Variants in FBLN5 observed in about 807,000 individuals in gnomAD.
The protein encoded by FBLN5 is fibulin-5.
A neutral mutation model predicts 61.6 loss-of-function variants in FBLN5; 24 were observed. The observed-to-expected ratio is 0.39, with a 90% CI of 0.28 to 0.55. The LOEUF (loss-of-function observed/expected upper bound fraction) is 0.55. Among genes scored for constraint, FBLN5 ranks in the 20% least tolerant of loss-of-function variants. The pLI is 0.65. For missense variants in FBLN5, 470 were observed against 594.1 expected, an observed-to-expected ratio of 0.79 and a Z score of 2.17; for synonymous variants, 213 against 219.8, an observed-to-expected ratio of 0.97 and a Z score of 0.27.
At chr14:91,944,289 T>A (rs1178902135) in intron 1 of FBLN5, among the ~76,000 whole-genome samples, 1 of 152,196 alleles carries the variant, frequency 6.6e-6, no homozygotes, top group Non-Finnish European at 1.5e-5. Flanking sequence ...CTCATGAGGC[T>A]ATTAAAAAAT....
At chr14:91,924,994 T>C (rs2055803726) in intron 4 of FBLN5, among the ~76,000 whole-genome samples, 1 of 152,196 alleles carries the variant, frequency 6.6e-6, no homozygotes, top group Non-Finnish European at 1.5e-5. Context: ...CTCCCTCAAA[T>C]TCTTAAACCC....
At chr14:91,897,087 C>A (rs1890258807) in intron 4 of FBLN5, among the ~76,000 whole-genome samples, 1 of 152,136 alleles carries the variant, frequency 6.6e-6, no homozygotes, top group Non-Finnish European at 1.5e-5. Flanking sequence ...GTCTGGGAAT[C>A]CTATGGAAGT....
rs774872737 is a variant in FBLN5 at position 91,947,258 on chromosome 14, A to C, written c.-29T>G. The C allele has an allele frequency of 1.9e-6, 3 of 1,614,068 alleles. No individual in the cohort carries two copies. Among genetic ancestry groups the C allele is most frequent in the Non-Finnish European group, 2.5e-6 (3 of 1,180,004 alleles). On this transcript the variant is annotated 5_prime_UTR_variant, in exon 1 of 11. Coordinates refer to ENST00000342058, the MANE Select transcript of FBLN5 (RefSeq NM_006329.4). The surrounding 1 kb of genome is among the most constrained non-coding windows in gnomAD (Gnocchi z 4.3). ...CAAGACGCGCGAGGAGGAGATGCGA[A>C]GGCGAGAAGAAAGCTCGCGGGCGGG...
chr14:91,903,847 C>G (rs186447820), intron 4 of FBLN5, among the ~76,000 whole-genome samples: 1 of 152,292 alleles, frequency 6.6e-6, no homozygotes, highest in Admixed American at 6.5e-5. Flanking sequence ...GACTCCAGGT[C>G]CCCACTGTCT....
chr14:91,900,106 G>A (rs773237829), intron 4 of FBLN5, among the ~76,000 whole-genome samples: 2 of 152,208 alleles, frequency 1.3e-5, no homozygotes, highest in African/African-American at 2.4e-5. Flanking sequence ...TTACATTGTT[G>A]ATTTATGCCC....
rs753788163 is a variant in FBLN5 at position 91,937,078 on chromosome 14, G to C, written c.248C>G (p.Pro83Arg). 1.2e-6 allele frequency: 2 copies of C among 1,613,960 alleles called. No individual in the cohort carries two copies. The highest frequency in any genetic ancestry group is 8.5e-7 in the Non-Finnish European group (1 of 1,179,954). Residue 83 changes from proline to arginine, a missense_variant, in exon 4 of 11, where the codon CCC (proline) becomes CGC (arginine). Transcript: ENST00000342058. ...CGGACCTGAGTAGGGGGTCGAGTAGGGGTTCGAGTAGGGCCCTCGATACAC... is the reference window on the plus strand; with the variant it reads ...CGGACCTGAGTAGGGGGTCGAGTAGCGGTTCGAGTAGGGCCCTCGATACAC... ...NPVYRGPYSN[P>R]YSTPYSGPYP...
chr14:91,894,865 GCAGCCAGCTAT>G, intron 5 of FBLN5, 74 bp downstream of exon 5: 3 of 1,082,944 alleles, frequency 2.8e-6, no homozygotes, highest in East Asian at 9.9e-5. Context: ...CTACCCTCAG[GCAGCCAGCTAT>G]GCCCATACCT....
chr14:91,939,988 C>T (rs934700257), intron 3 of FBLN5: 4 of 453,782 alleles, frequency 8.8e-6, no homozygotes, highest in Non-Finnish European at 1.3e-5. Context: ...GTGAGAAACG[C>T]TTGACTCGCT....
chr14:91,928,222 G>A (rs11628643), intron 4 of FBLN5, among the ~76,000 whole-genome samples: 10,691 of 152,296 alleles, frequency 0.07, 493 homozygotes, highest in Non-Finnish European at 0.11. Flanking sequence ...GTGGGAAAGG[G>A]CTAACGCAAA....
rs1162046754 is a variant in FBLN5, at chr14:91,947,321, G to A, written c.-92C>T. On this transcript the variant is annotated 5_prime_UTR_variant, in exon 1 of 11. Transcript: ENST00000342058. This position sits in a 1 kb window ranked among gnomAD's most constrained non-coding sequence, Gnocchi z 4.3. ...GCTCGGGCACGTCGGCCTCCTCTGG[G>A]CCCTCGGGGCTCGCGGGTGTTTTAT... 1 of 1,452,494 alleles carries A rather than the reference G, an allele frequency of 6.9e-7. No homozygotes were observed. The highest frequency in any genetic ancestry group is 1.7e-5 in the Admixed American group (1 of 58,756). The allele number at this position is 1,452,494 out of a possible 1,614,324, so 90.0% of individuals were successfully genotyped here.
In FBLN5 at chr14:91,882,869, C is replaced by T; in HGVS notation, c.862+85G>A. ...CACCTTCCCAAAGCTGCACATGATT[C>T]CCCAGGTGAGGATATCCAGATGAGC... On this transcript the variant is annotated intron_variant, in intron 8 of 10. Coordinates refer to ENST00000342058, the MANE Select transcript of FBLN5 (RefSeq NM_006329.4). This position sits in a 1 kb window ranked among gnomAD's most constrained non-coding sequence, Gnocchi z 4.9. 2.0e-6 allele frequency: 3 copies of T among 1,505,524 alleles called. No homozygotes were observed. The highest frequency in any genetic ancestry group is 2.7e-6 in the Non-Finnish European group (3 of 1,094,506). 93.3% of individuals were successfully genotyped at this position (1,505,524 alleles called of 1,614,324 possible).
In FBLN5 at chr14:91,917,963, CA is replaced by C. The variant is rs545077921; in HGVS notation, c.379+18983del. On this transcript the variant is annotated intron_variant, in intron 4 of 10. Coordinates refer to ENST00000342058, the MANE Select transcript of FBLN5 (RefSeq NM_006329.4). The stretch of plus-strand genomic sequence containing the variant: ...AGTGTGTAAGGTACAATGGAATGGG[CA>C]AATTGGCCCAAGGACTAAGCCTCCC... 1.8e-3 allele frequency among the ~76,000 whole-genome samples: 267 copies of C among 152,292 alleles called. 1 individual carries two copies. The highest frequency in any genetic ancestry group is 5.9e-3 in the African/African-American group (247 of 41,556).
At chr14:91,905,304 C>G (rs547769485) in intron 4 of FBLN5, among the ~76,000 whole-genome samples, 2 of 152,282 alleles carry the variant, frequency 1.3e-5, no homozygotes, top group East Asian at 1.9e-4. Context: ...CACCTGCCCC[C>G]CTAGAGCTTG....
chr14:91,944,146 A>G (rs545906918), intron 1 of FBLN5, among the ~76,000 whole-genome samples: 48 of 152,336 alleles, frequency 3.2e-4, no homozygotes, highest in African/African-American at 1.2e-3. Context: ...CCTGGCCAAC[A>G]TGGTGAAACC....
intron 9 of FBLN5, among the ~76,000 whole-genome samples, chr14:91,879,356 G>T (rs1188339020): frequency 2.0e-5 from 3 of 152,222 alleles, no homozygotes; most frequent in Non-Finnish European, 4.4e-5. Context: ...GCCATTCCTG[G>T]GCACGGGTAA....
In FBLN5 at chr14:91,941,807, G is replaced by A. The variant is rs2056109606; in HGVS notation, c.72+1100C>T. 2.6e-5 allele frequency among the ~76,000 whole-genome samples: 4 copies of A among 152,106 alleles called. No individual in the cohort carries two copies. In the South Asian group the frequency reaches 8.3e-4, roughly 31 times the overall value. ...GGGGGGTATGTACGTAGTTCAAAAT[G>A]GTGGTAAGGACGATGTATGTTAATC... On this transcript the variant is annotated intron_variant, in intron 2 of 10. Transcript: ENST00000342058.
chr14:91,872,335 C>T (rs1468082823), intron 10 of FBLN5, among the ~76,000 whole-genome samples: 2 of 152,092 alleles, frequency 1.3e-5, no homozygotes, highest in Admixed American at 6.6e-5. Flanking sequence ...GAGAGATGCT[C>T]GCGGTCAGTG....
chr14:91,876,452 C>T (rs1328741062), intron 10 of FBLN5, among the ~76,000 whole-genome samples: 4 of 152,138 alleles, frequency 2.6e-5, no homozygotes, highest in Non-Finnish European at 1.5e-5. Context: ...CCTTGGAACC[C>T]GTTCCGTTAT....
At position 91,882,873 on chromosome 14, in the gene FBLN5, A is replaced by C. The variant is rs1889540103; in HGVS notation, c.862+81T>G. 1 of 1,518,532 alleles carries C rather than the reference A, an allele frequency of 6.6e-7. No individual in the cohort carries two copies. The highest frequency in any genetic ancestry group is 2.3e-5 in the East Asian group (1 of 43,220). 94.1% of individuals were successfully genotyped at this position (1,518,532 alleles called of 1,614,324 possible). A position where few individuals can be genotyped will look rare whatever the true frequency, so the allele number is the denominator to read the frequency against. On this transcript the variant is annotated intron_variant, in intron 8 of 10. Transcript: ENST00000342058. The surrounding 1 kb of genome is among the most constrained non-coding windows in gnomAD (Gnocchi z 4.9). ...TTCCCAAAGCTGCACATGATTCCCC[A>C]GGTGAGGATATCCAGATGAGCCCCT...
Sources: allele counts gnomAD v4.1 joint callset (sites outside exome capture counted in the v4.1 genomes callset), GRCh38; gene constraint gnomAD v4.1.1; non-coding constraint Gnocchi (gnomAD v3.1); transcripts MANE v1.5; gene names NCBI Gene and HGNC (gene_info 2026-07-23, HGNC 2026-07-21).